AGTPBP1: variants seen among roughly 807,000 people sequenced by gnomAD.
The protein encoded by AGTPBP1 is cytosolic carboxypeptidase 1.
Under a neutral mutation model 143.9 loss-of-function variants are expected in AGTPBP1, and 70 were observed. The ratio of observed to expected loss-of-function variants is 0.49; its 90% confidence interval spans 0.40 to 0.59. AGTPBP1 has a LOEUF of 0.59. AGTPBP1 is among the 20% of genes least tolerant of loss of function. The pLI is 0.00. For missense variants in AGTPBP1, 1,229 were observed against 1,464.5 expected (o/e 0.84, Z 2.62); for synonymous variants, 463 against 500.2 (o/e 0.93, Z 0.99).
At chr9:85,682,106 G>A (rs573805199) in intron 3 of AGTPBP1, among the ~76,000 whole-genome samples, 1 of 145,150 alleles carries the variant, frequency 6.9e-6, no homozygotes, top group East Asian at 2.0e-4. Context: ...CTAACAAAAG[G>A]CTACTTCTGA....
chr9:85,646,256 A>G, intron 12 of AGTPBP1, 65 bp downstream of exon 12: 1 of 1,080,782 alleles, frequency 9.3e-7, no homozygotes, highest in Middle Eastern at 2.5e-4. Flanking sequence ...TATTTACCCA[A>G]TTTTTGTTTT....
At chr9:85,602,950 G>A (rs1313325646) in intron 17 of AGTPBP1, among the ~76,000 whole-genome samples, 2 of 152,202 alleles carry the variant, frequency 1.3e-5, no homozygotes, top group East Asian at 1.9e-4. Flanking sequence ...CGGTGTTCAC[G>A]AAGGGAGTAT....
intron 12 of AGTPBP1, among the ~76,000 whole-genome samples, chr9:85,644,449 G>A (rs993289474): frequency 4.1e-5 from 6 of 147,776 alleles, no homozygotes; most frequent in Non-Finnish European, 8.9e-5. Context: ...AAAAAAAAAG[G>A]CTTTACCTGT....
At chr9:85,628,297 T>C (rs1404101525) in intron 14 of AGTPBP1, among the ~76,000 whole-genome samples, 3 of 152,198 alleles carry the variant, frequency 2.0e-5, no homozygotes, top group Admixed American at 6.5e-5. Flanking sequence ...AATATGGTTA[T>C]ACTCTCCTGC....
intron 17 of AGTPBP1, among the ~76,000 whole-genome samples, chr9:85,602,239 T>C (rs182603068): frequency 6.6e-6 from 1 of 151,470 alleles, no homozygotes; most frequent in African/African-American, 2.4e-5. Context: ...AGATAAACAA[T>C]ACAAAGAAAT....
At chr9:85,739,850 TA>T (rs1418901991) in intron 1 of AGTPBP1, among the ~76,000 whole-genome samples, 17 of 150,934 alleles carry the variant, frequency 1.1e-4, no homozygotes, top group African/African-American at 3.7e-4. Flanking sequence ...CCGTCTCTAC[TA>T]AAAACACAAA....
the AGTPBP1 span, among the ~76,000 whole-genome samples, chr9:85,783,699 A>G: frequency 3.3e-5 from 5 of 151,782 alleles, no homozygotes; most frequent in South Asian, 2.1e-4. Context: ...CAGTGGTGCT[A>G]TCTCAGCTCA....
At chr9:85,677,173 A>G (rs947894413) in intron 6 of AGTPBP1, among the ~76,000 whole-genome samples, 2 of 152,202 alleles carry the variant, frequency 1.3e-5, no homozygotes, top group South Asian at 2.1e-4. Flanking sequence ...TAAAATAGCT[A>G]TAAGAGAAGA....
At chr9:85,733,907 T>C (rs984951200) in intron 1 of AGTPBP1, among the ~76,000 whole-genome samples, 6 of 152,160 alleles carry the variant, frequency 3.9e-5, no homozygotes, top group East Asian at 1.9e-4. Flanking sequence ...CACAAAGGAA[T>C]AGAAAATCTA....
the AGTPBP1 span, among the ~76,000 whole-genome samples, chr9:85,769,536 A>G: frequency 1.1e-3 from 174 of 151,720 alleles, no homozygotes; most frequent in Admixed American, 1.8e-3. Flanking sequence ...AAAAAAAAAA[A>G]AAAAGAAAAA....
rs143741067 is a variant in AGTPBP1, at chr9:85,575,421, C to T, written c.3397G>A (p.Gly1133Ser). 41 of 1,609,530 alleles carry T rather than the reference C, an allele frequency of 2.5e-5. No individual in the cohort carries two copies. The African/African-American group carries it at 3.9e-4, about 15-fold the overall frequency. The change falls in exon 25 of 26, where the codon GGT becomes AGT. Residue 1133 changes from glycine (G) to serine (S), a missense_variant. Physicochemically the swap from Gly to Ser is moderately conservative, Grantham distance 56 (BLOSUM62 0). Coordinates refer to ENST00000357081, the MANE Select transcript of AGTPBP1 (RefSeq NM_001330701.2). ...GTCAGTCTTTTCAAACGTAAAAGAC[C>T]AACACAAAATTTTGCTCCCATCTCT... The part of the protein sequence containing the change: ...LEEMGAKFCV[G>S]LLRLKRLTSP...
At chr9:85,788,924 T>C in the AGTPBP1 span, among the ~76,000 whole-genome samples, 1 of 151,840 alleles carries the variant, frequency 6.6e-6, no homozygotes, top group Admixed American at 6.6e-5. Context: ...TTAAGTAATG[T>C]GCTATGCGTT....
At chr9:85,588,991 A>G (rs576520820) in intron 20 of AGTPBP1, among the ~76,000 whole-genome samples, 7 of 152,214 alleles carry the variant, frequency 4.6e-5, no homozygotes, top group Non-Finnish European at 8.8e-5. Context: ...CATTCAGCTT[A>G]CCACTCATAT....
At position 85,734,948 on chromosome 9, in the gene AGTPBP1, A is replaced by C. The variant is rs765340517; in HGVS notation, c.-34+6827T>G. Among the ~76,000 whole-genome samples the C allele has an allele frequency of 3.6e-4, 55 of 152,156 alleles. 1 individual carries two copies. The highest frequency in any genetic ancestry group is 3.1e-4 in the Non-Finnish European group (21 of 68,020). ...CTACTTAGGAGGCTGAGGCAGGAGA[A>C]TCACTTGAACCCAGAGGCAAAGGTT... On this transcript the variant is annotated intron_variant, in intron 1 of 25. Coordinates refer to ENST00000357081, the MANE Select transcript of AGTPBP1 (RefSeq NM_001330701.2).
chr9:85,617,890 C>T (rs1253139250), intron 17 of AGTPBP1, among the ~76,000 whole-genome samples: 1 of 152,092 alleles, frequency 6.6e-6, no homozygotes, highest in Non-Finnish European at 1.5e-5. Flanking sequence ...GCACAAACTA[C>T]CACAACTCAC....
chr9:85,719,084 G>T (rs1837926479), intron 1 of AGTPBP1, among the ~76,000 whole-genome samples: 1 of 152,178 alleles, frequency 6.6e-6, no homozygotes, highest in South Asian at 2.1e-4. Context: ...TTGCAGTATA[G>T]TTTGAAGTCA....
the AGTPBP1 span, chr9:85,786,472 T>C: frequency 1.2e-5 from 20 of 1,613,696 alleles, 1 homozygote; most frequent in South Asian, 2.2e-4. Context: ...TACGTCAAAT[T>C]TCCGCCTTGG....
upstream of AGTPBP1, among the ~76,000 whole-genome samples, chr9:85,746,483 C>T (rs868849005): frequency 2.0e-5 from 3 of 152,056 alleles, no homozygotes; most frequent in African/African-American, 4.8e-5. Flanking sequence ...ATTAAAATTA[C>T]CTGAGCGTGG....
At chr9:85,786,305 C>T in the AGTPBP1 span, 1 of 1,600,018 alleles carries the variant, frequency 6.2e-7, no homozygotes, top group South Asian at 1.1e-5. Flanking sequence ...AGTTCTTTAG[C>T]ACCCCCCAGT....
Sources: gnomAD v4.1 joint callset for allele counts (sites outside exome capture counted in the v4.1 genomes callset) on GRCh38, gnomAD v4.1.1 for gene constraint, MANE v1.5 for transcripts, NCBI Gene and HGNC (gene_info 2026-07-23, HGNC 2026-07-21) for gene names.